Variants in TTC28 observed in about 807,000 individuals in gnomAD.
TTC28 encodes tetratricopeptide repeat domain 28.
In TTC28, 61 loss-of-function variants were observed where a neutral mutation model predicts 198.0. The observed-to-expected ratio is 0.31, with a 90% CI of 0.25 to 0.38. The LOEUF (loss-of-function observed/expected upper bound fraction) is 0.38. Ranked by LOEUF, TTC28 falls within the 10% of genes least tolerant of loss-of-function variation. The probability of loss-of-function intolerance (pLI) is 1.00; values close to 1 mark genes in which losing one functional copy is unlikely to be tolerated. For missense variants in TTC28, 2,678 were observed against 3,164.0 expected (o/e 0.85, Z 3.69); for synonymous variants, 1,171 against 1,297.8 (o/e 0.90, Z 2.10).
chr22:28,030,142 GAAGGAGCATCCAC>G, intron 13 of TTC28, 71 bp downstream of exon 13: 1 of 1,499,198 alleles, frequency 6.7e-7, no homozygotes, highest in Non-Finnish European at 8.9e-7. Context: ...TAACCAGCTG[GAAGGAGCATCCAC>G]TGAAAGCATA....
chr22:28,577,783 T>C (rs2050173906), intron 2 of TTC28, among the ~76,000 whole-genome samples: 1 of 152,152 alleles, frequency 6.6e-6, no homozygotes, highest in Non-Finnish European at 1.5e-5. Context: ...AATATAGCTA[T>C]TCCTGCTCTT....
At position 28,605,422 on chromosome 22, in the gene TTC28, T is replaced by C. The variant is rs2050713275; in HGVS notation, c.381+24130A>G. Among the ~76,000 whole-genome samples the C allele has an allele frequency of 2.6e-5, 4 of 152,290 alleles. No individual in the cohort carries two copies. The South Asian group carries it at 8.3e-4, about 32-fold the overall frequency. On this transcript the variant is annotated intron_variant, in intron 2 of 22. Transcript: ENST00000397906. ...ATCAAACGGTGGCAGCTAGAAAACATACTTTTGTTTGTAGTTTTTTCTTGA... is the reference window on the plus strand; with the variant it reads ...ATCAAACGGTGGCAGCTAGAAAACACACTTTTGTTTGTAGTTTTTTCTTGA...
At chr22:28,082,366 A>AG (rs1242345507) in intron 12 of TTC28, among the ~76,000 whole-genome samples, 5 of 152,202 alleles carry the variant, frequency 3.3e-5, no homozygotes, top group African/African-American at 4.8e-5. Flanking sequence ...ATTGCTCATT[A>AG]GTATGATGTT....
chr22:28,331,093 T>C (rs1009720360), intron 2 of TTC28, among the ~76,000 whole-genome samples: 4 of 152,166 alleles, frequency 2.6e-5, no homozygotes, highest in African/African-American at 4.8e-5. Flanking sequence ...CTGAAATTCA[T>C]TGGTAAACTA....
chr22:28,256,419 CT>C (rs1930922433), intron 5 of TTC28, among the ~76,000 whole-genome samples: 4 of 124,204 alleles, frequency 3.2e-5, no homozygotes, highest in Non-Finnish European at 6.7e-5. Flanking sequence ...AAAACTCCGT[CT>C]CAAAAAAAAA....
At chr22:28,083,481 T>C (rs758035671) in intron 12 of TTC28, among the ~76,000 whole-genome samples, 2 of 152,234 alleles carry the variant, frequency 1.3e-5, no homozygotes, top group African/African-American at 2.4e-5. Flanking sequence ...GAATTGTTTA[T>C]TCATGGCTAT....
At chr22:28,230,182 C>T (rs1401534843) in intron 5 of TTC28, among the ~76,000 whole-genome samples, 1 of 152,156 alleles carries the variant, frequency 6.6e-6, no homozygotes, top group Non-Finnish European at 1.5e-5. Flanking sequence ...AATTCAGTCT[C>T]CTTTTCTACT....
intron 2 of TTC28, among the ~76,000 whole-genome samples, chr22:28,626,243 G>A (rs2051074995): frequency 6.6e-6 from 1 of 151,982 alleles, no homozygotes; most frequent in East Asian, 1.9e-4. Flanking sequence ...ATAGTGCTTT[G>A]TTCATACCTC....
chr22:28,450,877 G>A (rs1339159107), intron 2 of TTC28, among the ~76,000 whole-genome samples: 3 of 152,094 alleles, frequency 2.0e-5, no homozygotes, highest in South Asian at 2.1e-4. Flanking sequence ...TAAGCAAAAC[G>A]AATGACATGA....
chr22:28,418,379 T>C (rs968248795), intron 2 of TTC28, among the ~76,000 whole-genome samples: 1 of 152,182 alleles, frequency 6.6e-6, no homozygotes, highest in Non-Finnish European at 1.5e-5. Context: ...TCAGCATGCA[T>C]TCCCTTTTCA....
chr22:28,032,644 G>C (rs553715159), intron 12 of TTC28, among the ~76,000 whole-genome samples: 1 of 152,110 alleles, frequency 6.6e-6, no homozygotes. Context: ...AGGTGACAGA[G>C]GTTTGGAGAA....
chr22:28,590,061 A>AAACAAAAAC (rs1555898135), intron 2 of TTC28, among the ~76,000 whole-genome samples: 5 of 142,304 alleles, frequency 3.5e-5, no homozygotes, highest in Non-Finnish European at 7.8e-5. Flanking sequence ...AAAAAAAAAA[A>AAACAAAAAC]ACACAGAAAA....
At chr22:28,404,927 T>C (rs1219291348) in intron 2 of TTC28, among the ~76,000 whole-genome samples, 3 of 152,208 alleles carry the variant, frequency 2.0e-5, no homozygotes, top group Non-Finnish European at 2.9e-5. Flanking sequence ...TACTTTCTAA[T>C]ACTTCCTGAA....
Position 28,107,835 on chromosome 22 carries a change from C to T in TTC28, c.2010G>A (p.Lys670=). 1 of 1,551,940 alleles carries T rather than the reference C, an allele frequency of 6.4e-7. No homozygotes were observed. The change falls in exon 7 of 23, where the codon AAG becomes AAA. Residue 670 remains lysine, a synonymous_variant. Coordinates refer to ENST00000397906, the MANE Select transcript of TTC28 (RefSeq NM_001145418.2). ...TGCAGTAGGCTTTTGCTTGGCTCAA[C>T]TTGTCGTGAAGGTCTTTAGCCAGTG... is the stretch of plus-strand genomic sequence containing the variant. The part of the protein sequence containing the change: ...DLALAKDLHD[K]LSQAKAYCNL...
At chr22:28,675,299 T>G (rs759189887) in intron 1 of TTC28, among the ~76,000 whole-genome samples, 21 of 152,106 alleles carry the variant, frequency 1.4e-4, no homozygotes, top group Non-Finnish European at 2.5e-4. Flanking sequence ...ATACAACTCT[T>G]AGAAGAAAAC....
Position 27,990,127 on chromosome 22 carries a change from T to C in TTC28, c.5578-120A>G, listed in dbSNP as rs970514959. The C allele has an allele frequency of 2.3e-6, 3 of 1,301,096 alleles. No individual in the cohort carries two copies. In the African/African-American group the frequency reaches 4.5e-5, roughly 19 times the overall value. 80.6% of individuals were successfully genotyped at this position (1,301,096 alleles called of 1,614,324 possible). A position where few individuals can be genotyped will look rare whatever the true frequency, so the allele number is the denominator to read the frequency against. On this transcript the variant is annotated intron_variant, in intron 20 of 22. Coordinates refer to ENST00000397906, the MANE Select transcript of TTC28 (RefSeq NM_001145418.2). Reference sequence around the variant, plus strand: ...GCATCGCTAATGACCCTCTCATGAGTGTAGCATTTGAGATTCTTTTTCAGG... The same window carrying C: ...GCATCGCTAATGACCCTCTCATGAGCGTAGCATTTGAGATTCTTTTTCAGG...
At chr22:28,117,983 C>A (rs371078654) in intron 6 of TTC28, among the ~76,000 whole-genome samples, 29 of 152,078 alleles carry the variant, frequency 1.9e-4, no homozygotes, top group African/African-American at 6.3e-4. Context: ...CTTGAGGGGA[C>A]AAGTACCCCA....
chr22:28,083,028 A>G (rs1405778891), intron 12 of TTC28, among the ~76,000 whole-genome samples: 1 of 152,118 alleles, frequency 6.6e-6, no homozygotes, highest in East Asian at 1.9e-4. Flanking sequence ...TGCAAGATTA[A>G]TTGATTAGAA....
chr22:28,627,554 C>T (rs577558571), intron 2 of TTC28, among the ~76,000 whole-genome samples: 2 of 151,722 alleles, frequency 1.3e-5, no homozygotes, highest in Admixed American at 6.6e-5. Context: ...GCCTCAACCT[C>T]CCGAGTAGCT....
Sources: gnomAD v4.1 joint callset for allele counts (sites outside exome capture counted in the v4.1 genomes callset) on GRCh38, gnomAD v4.1.1 for gene constraint, MANE v1.5 for transcripts, NCBI Gene and HGNC (gene_info 2026-07-23, HGNC 2026-07-21) for gene names.